GSE1: variants seen among roughly 807,000 people sequenced by gnomAD.
The protein encoded by GSE1 is Gse1 coiled-coil protein, also known as genetic suppressor element 1.
A neutral mutation model predicts 112.6 loss-of-function variants in GSE1; 32 were observed. The observed-to-expected ratio is 0.28, with a 90% CI of 0.21 to 0.38. GSE1 has a LOEUF of 0.38. Ranked by LOEUF, GSE1 falls within the 10% of genes least tolerant of loss-of-function variation. The probability of loss-of-function intolerance (pLI) is 1.00; values close to 1 mark genes in which losing one functional copy is unlikely to be tolerated. For synonymous variants in GSE1, 1,115 were observed against 735.6 expected, an observed-to-expected ratio of 1.52 and a Z score of -8.35; for missense variants, 2,348 against 1,699.2, an observed-to-expected ratio of 1.38 and a Z score of -6.71.
intron 1 of GSE1, among the ~76,000 whole-genome samples, chr16:85,175,146 A>G (rs916554608): frequency 1.3e-5 from 2 of 152,224 alleles, no homozygotes; most frequent in East Asian, 1.9e-4. Context: ...GAAGAAAGAA[A>G]GAAGAGGAGG....
chr16:85,527,044 G>T (rs1209978798), intron 2 of GSE1, among the ~76,000 whole-genome samples: 1 of 152,244 alleles, frequency 6.6e-6, no homozygotes, highest in Non-Finnish European at 1.5e-5. Context: ...TGGGGAGGGG[G>T]TGGCCCTCTC....
At chr16:85,452,445 C>G (rs1238730157) in intron 2 of GSE1, among the ~76,000 whole-genome samples, 2 of 152,248 alleles carry the variant, frequency 1.3e-5, no homozygotes, top group African/African-American at 2.4e-5. Flanking sequence ...GATGGCCAGG[C>G]CATACTCACG....
chr16:85,182,546 G>T (rs1035745702), intron 1 of GSE1, among the ~76,000 whole-genome samples: 3 of 152,224 alleles, frequency 2.0e-5, no homozygotes, highest in Non-Finnish European at 4.4e-5. Flanking sequence ...GGTCAGTGCA[G>T]GGTCTGGTTT....
Position 85,284,659 on chromosome 16 carries a change from G to A in GSE1, c.2284-72804G>A, listed in dbSNP as rs550367838. Among the ~76,000 whole-genome samples, 193 of 152,352 alleles carry A rather than the reference G, an allele frequency of 1.3e-3. 1 individual carries two copies. Among genetic ancestry groups the A allele is most frequent in the African/African-American group, 4.5e-3 (186 of 41,582 alleles). On this transcript the variant is annotated intron_variant, in intron 1 of 2. Coordinates refer to the GSE1 transcript ENST00000637419. ...CTGGATATTAAACGCCCGCTGCTGG[G>A]AGAGTCGTGGTCCACAGTAGGATGT... is the stretch of plus-strand genomic sequence containing the variant.
At position 85,628,092 on chromosome 16, in the gene GSE1, C is replaced by T. The variant is rs1265887747; in HGVS notation, c.8-5822C>T. ...CATTCACAGCAGGCCCAGGGGGACC[C>T]CTCCAAGGATCTCGGGGTTCCCCGG... On this transcript the variant is annotated intron_variant, in intron 1 of 15. Coordinates refer to ENST00000253458, the MANE Select transcript of GSE1 (RefSeq NM_014615.5). Among the ~76,000 whole-genome samples the T allele has an allele frequency of 5.3e-5, 8 of 152,214 alleles. 1 individual carries two copies. The highest frequency in any genetic ancestry group is 4.8e-5 in the African/African-American group (2 of 41,456).
chr16:85,401,999 GC>G (rs1259944289), intron 2 of GSE1, among the ~76,000 whole-genome samples: 1 of 152,240 alleles, frequency 6.6e-6, no homozygotes, highest in Non-Finnish European at 1.5e-5. Flanking sequence ...AGGGACAGCA[GC>G]TGCGCTCCAT....
chr16:85,643,392 A>T (rs1006298057), intron 2 of GSE1, among the ~76,000 whole-genome samples: 4 of 152,142 alleles, frequency 2.6e-5, no homozygotes, highest in African/African-American at 7.2e-5. Context: ...GGCTGGTCTG[A>T]TGAGTAGCAC....
At chr16:85,181,590 C>G (rs763988435) in intron 1 of GSE1, among the ~76,000 whole-genome samples, 5 of 152,222 alleles carry the variant, frequency 3.3e-5, no homozygotes, top group African/African-American at 9.6e-5. Context: ...GAGGGCTGAC[C>G]GCTGCTGCGG....
intron 1 of GSE1, among the ~76,000 whole-genome samples, chr16:85,241,319 C>G (rs565461718): frequency 6.6e-6 from 1 of 152,340 alleles, no homozygotes; most frequent in Admixed American, 6.5e-5. Flanking sequence ...AGCATAGGCC[C>G]TGGCACCTGG....
intron 2 of GSE1, among the ~76,000 whole-genome samples, chr16:85,478,133 C>T (rs1214754039): frequency 6.6e-6 from 1 of 152,150 alleles, no homozygotes; most frequent in East Asian, 1.9e-4. Context: ...ACTGTGTGAC[C>T]TTTTGTGTCC....
At chr16:85,608,446 C>A (rs913545876), upstream of GSE1, among the ~76,000 whole-genome samples, 1 of 151,994 alleles carries the variant, frequency 6.6e-6, no homozygotes, top group Admixed American at 6.5e-5. Flanking sequence ...CTCCCTCCCC[C>A]GGCCCCCAAC....
At chr16:85,315,929 A>AG (rs112792930) in intron 1 of GSE1, among the ~76,000 whole-genome samples, 17,104 of 151,640 alleles carry the variant, frequency 0.11, 1,238 homozygotes, top group African/African-American at 0.2. Flanking sequence ...CCCTAGTGGG[A>AG]GGGGGGGTGA....
intron 1 of GSE1, among the ~76,000 whole-genome samples, chr16:85,571,979 T>C (rs1432256331): frequency 6.6e-6 from 1 of 151,998 alleles, no homozygotes; most frequent in Non-Finnish European, 1.5e-5. Flanking sequence ...AGGTGGACCC[T>C]GGAGGACATC....
intron 2 of GSE1, among the ~76,000 whole-genome samples, chr16:85,456,641 G>GTGTGTGTGTGTGTGT (rs1567502079): frequency 7.4e-5 from 7 of 94,038 alleles, no homozygotes; most frequent in African/African-American, 3.0e-4. Flanking sequence ...TGTGTGTGTG[G>GTGTGTGTGTGTGTGT]TCTGCCATTT....
At chr16:85,522,486 C>T (rs936941410) in intron 2 of GSE1, among the ~76,000 whole-genome samples, 2 of 151,638 alleles carry the variant, frequency 1.3e-5, no homozygotes, top group Non-Finnish European at 2.9e-5. Context: ...GACTCACCCC[C>T]GCGTTTCTCG....
chr16:85,198,263 G>C (rs1213009858), intron 1 of GSE1, among the ~76,000 whole-genome samples: 1 of 152,226 alleles, frequency 6.6e-6, no homozygotes, highest in Non-Finnish European at 1.5e-5. Flanking sequence ...GAAGTCATGT[G>C]TTCCTGGCTG....
chr16:85,296,806 T>A (rs2045379898), intron 1 of GSE1, among the ~76,000 whole-genome samples: 1 of 150,820 alleles, frequency 6.6e-6, no homozygotes, highest in Non-Finnish European at 1.5e-5. Flanking sequence ...GAAGGGACTG[T>A]CACTTGCTGC....
At chr16:85,597,373 CAAAAA>C (rs1165062872) in intron 1 of GSE1, among the ~76,000 whole-genome samples, 1 of 31,844 alleles carries the variant, frequency 3.1e-5, no homozygotes, top group African/African-American at 1.1e-4. Flanking sequence ...GACTCTGTCT[CAAAAA>C]AAAAAAAAAA....
chr16:85,649,665 G>C (rs2051173274), intron 3 of GSE1, among the ~76,000 whole-genome samples: 1 of 152,152 alleles, frequency 6.6e-6, no homozygotes, highest in African/African-American at 2.4e-5. Context: ...AGCCTGGAGT[G>C]GGCCCTTCCT....
Sources: allele counts gnomAD v4.1 joint callset (sites outside exome capture counted in the v4.1 genomes callset), GRCh38; gene constraint gnomAD v4.1.1; transcripts MANE v1.5; gene names NCBI Gene and HGNC (gene_info 2026-07-23, HGNC 2026-07-21).